Variants in CACNA1C observed in about 807,000 individuals in gnomAD.
CACNA1C encodes the protein voltage-dependent L-type calcium channel subunit alpha-1C.
A neutral mutation model predicts 229.0 loss-of-function variants in CACNA1C; 30 were observed. The observed-to-expected ratio is 0.13, with a 90% CI of 0.10 to 0.18. The LOEUF is 0.18. Ranked by LOEUF, CACNA1C falls within the 10% of genes least tolerant of loss-of-function variation. The pLI is 1.00. For synonymous variants in CACNA1C, 1,114 were observed against 1,132.5 expected (o/e 0.98, Z 0.33); for missense variants, 1,658 against 2,845.0 (o/e 0.58, Z 9.49).
In CACNA1C at chr12:2,137,622, G is replaced by A. The variant is rs562067677; in HGVS notation, c.477+17192G>A. Among the ~76,000 whole-genome samples, 78 of 150,898 alleles carry A rather than the reference G, an allele frequency of 5.2e-4. 3 individuals are homozygous for A. Among genetic ancestry groups the A allele is most frequent in the Middle Eastern group, 3.2e-3 (1 of 314 alleles). ...TGCAAAGTGCCATATAAACATAGAG[G>A]CATTATTGTGATCATTATTACTGTT... On this transcript the variant is annotated intron_variant, in intron 3 of 46. Coordinates refer to ENST00000399655, the MANE Select transcript of CACNA1C (RefSeq NM_000719.7).
In CACNA1C at chr12:2,504,564, C is replaced by T. The variant is rs748999518; in HGVS notation, c.1114-278C>T. The T allele has an allele frequency of 5.2e-6, 7 of 1,357,034 alleles. No homozygotes were observed. In the Admixed American group the frequency reaches 1.2e-4, roughly 23 times the overall value. 84.1% of individuals were successfully genotyped at this position (1,357,034 alleles called of 1,614,324 possible). On this transcript the variant is annotated intron_variant, in intron 7 of 46. Coordinates refer to ENST00000399655, the MANE Select transcript of CACNA1C (RefSeq NM_000719.7). The surrounding 1 kb of genome is among the most constrained non-coding windows in gnomAD (Gnocchi z 6.8). ...GGTAAGCTGACCGTTTCTATGTCCT[C>T]TCCACAACGCAGCCGAGCAAGGTCT...
intron 3 of CACNA1C, among the ~76,000 whole-genome samples, chr12:2,120,656 CTGTGTGTGTGTGTGTGTGTGTGTG>C (rs112680750): frequency 7.2e-6 from 1 of 139,778 alleles, no homozygotes; most frequent in Non-Finnish European, 1.5e-5. Flanking sequence ...GTGGTGAGCT[CTGTGTGTGTGTGTGTGTGTGTGTG>C]TGTGTGTGTG....
At position 2,597,127 on chromosome 12, in the gene CACNA1C, G is replaced by A; in HGVS notation, c.2794-103G>A. ...GCTTAAGTGCCAGGCATCTCATTTT[G>A]AAGTGTGGCCCCTTTTCTGGTGAAC... On this transcript the variant is annotated intron_variant, in intron 20 of 46. Coordinates refer to ENST00000399655, the MANE Select transcript of CACNA1C (RefSeq NM_000719.7). The surrounding 1 kb of genome is among the most constrained non-coding windows in gnomAD (Gnocchi z 4.3). The A allele has an allele frequency of 2.7e-6, 2 of 751,198 alleles. No individual in the cohort carries two copies. Among genetic ancestry groups the A allele is most frequent in the South Asian group, 3.3e-5 (2 of 60,572 alleles). The allele number at this position is 751,198 out of a possible 1,614,324, so 46.5% of individuals were successfully genotyped here.
At position 2,354,029 on chromosome 12, in the gene CACNA1C, C is replaced by A. The variant is rs1255481485; in HGVS notation, c.478-94947C>A. ...GGTTAGAGGAAGGAGAATCTGGAGA[C>A]AAATGCCTGCCCAGCGACCACTGCA... On this transcript the variant is annotated intron_variant, in intron 3 of 46. Coordinates refer to ENST00000399655, the MANE Select transcript of CACNA1C (RefSeq NM_000719.7). This position sits in a 1 kb window ranked among gnomAD's most constrained non-coding sequence, Gnocchi z 4.6. 3.3e-5 allele frequency among the ~76,000 whole-genome samples: 5 copies of A among 152,294 alleles called. No individual in the cohort carries two copies. Among genetic ancestry groups the A allele is most frequent in the Admixed American group, 2.0e-4 (3 of 15,306 alleles).
chr12:2,619,966 G>T (rs1278674230), intron 29 of CACNA1C, among the ~76,000 whole-genome samples: 1 of 152,012 alleles, frequency 6.6e-6, no homozygotes, highest in Admixed American at 6.6e-5. Flanking sequence ...CCTGTCAGCT[G>T]GCATTCATAT....
intron 3 of CACNA1C, among the ~76,000 whole-genome samples, chr12:2,145,551 TC>T (rs139910345): frequency 0.012 from 1,827 of 151,516 alleles, 54 homozygotes; most frequent in African/African-American, 0.041. Context: ...GTTTGCTTGC[TC>T]ATTTATTTTG....
chr12:2,195,286 C>T (rs2097366582), intron 3 of CACNA1C, among the ~76,000 whole-genome samples: 1 of 152,188 alleles, frequency 6.6e-6, no homozygotes, highest in African/African-American at 2.4e-5. Flanking sequence ...ACGCCCCTCC[C>T]TGTGGAAGGA....
At chr12:2,670,351 T>C (rs1366157360) in intron 38 of CACNA1C, among the ~76,000 whole-genome samples, 1 of 152,144 alleles carries the variant, frequency 6.6e-6, no homozygotes, top group African/African-American at 2.4e-5. Flanking sequence ...ACTAATGACA[T>C]GAGTATGAGC....
Position 2,654,599 on chromosome 12 carries a change from G to A in CACNA1C, c.4141-548G>A, listed in dbSNP as rs2095311187. Among the ~76,000 whole-genome samples, 1 of 152,182 alleles carries A rather than the reference G, an allele frequency of 6.6e-6. No individual in the cohort carries two copies. The highest frequency in any genetic ancestry group is 2.4e-5 in the African/African-American group (1 of 41,440). The stretch of plus-strand genomic sequence containing the variant: ...ACTTGCTCATCGCAGAAAGACCCAA[G>A]ATTCAGTTGCCAAAACCTTTTGAGA... On this transcript the variant is annotated intron_variant, in intron 33 of 46. Coordinates refer to ENST00000399655, the MANE Select transcript of CACNA1C (RefSeq NM_000719.7). This position sits in a 1 kb window ranked among gnomAD's most constrained non-coding sequence, Gnocchi z 4.4.
At chr12:2,344,301 A>G (rs2096943982) in intron 3 of CACNA1C, among the ~76,000 whole-genome samples, 1 of 152,152 alleles carries the variant, frequency 6.6e-6, no homozygotes, top group Non-Finnish European at 1.5e-5. Context: ...GATGTAGCAA[A>G]GAAAGGGCAT....
chr12:2,331,456 A>G (rs868647396), intron 3 of CACNA1C, among the ~76,000 whole-genome samples: 9 of 152,248 alleles, frequency 5.9e-5, no homozygotes, highest in African/African-American at 1.9e-4. Context: ...GGTGCCAGAA[A>G]GTCATGCTCT....
Position 2,488,482 on chromosome 12 carries a change from C to T in CACNA1C, c.916+2220C>T, listed in dbSNP as rs1309796469. On this transcript the variant is annotated intron_variant, in intron 6 of 46. Transcript: ENST00000399655. The surrounding 1 kb of genome is among the most constrained non-coding windows in gnomAD (Gnocchi z 4.0). ...CTCTTCTCTTAGGACAAAGATAAGA[C>T]TTGGCCTCCCCAATTGGAATGGCCA... Among the ~76,000 whole-genome samples the T allele has an allele frequency of 1.3e-5, 2 of 152,232 alleles. No homozygotes were observed. Among genetic ancestry groups the T allele is most frequent in the Non-Finnish European group, 2.9e-5 (2 of 68,046 alleles).
chr12:2,517,018 C>A (rs2099798316), intron 9 of CACNA1C, among the ~76,000 whole-genome samples: 1 of 152,148 alleles, frequency 6.6e-6, no homozygotes, highest in Admixed American at 6.5e-5. Context: ...AAACAGGACT[C>A]CTAAAGGCAT....
At chr12:2,315,108 A>G (rs2283296) in intron 3 of CACNA1C, among the ~76,000 whole-genome samples, 112,315 of 152,094 alleles carry the variant, frequency 0.74, 42,198 homozygotes, top group African/African-American at 0.88. Context: ...AGAAAAGGAC[A>G]CGTCCTCCTC....
chr12:2,081,240 A>T (rs1456177528), intron 1 of CACNA1C, among the ~76,000 whole-genome samples: 1 of 152,244 alleles, frequency 6.6e-6, no homozygotes, highest in East Asian at 1.9e-4. Context: ...CTAGAATTCT[A>T]TACAAAGCTA....
intron 3 of CACNA1C, among the ~76,000 whole-genome samples, chr12:2,290,769 G>C (rs2093407733): frequency 6.6e-6 from 1 of 152,180 alleles, no homozygotes; most frequent in African/African-American, 2.4e-5. Context: ...ACTCCTACCA[G>C]CGTGGAATGG....
rs116750337 is a variant in CACNA1C, at chr12:2,108,857, G to A, written c.50-6367G>A. Among the ~76,000 whole-genome samples the A allele has an allele frequency of 0.013, 2,048 of 152,258 alleles. 38 individuals are homozygous for A. The highest frequency in any genetic ancestry group is 0.046 in the African/African-American group (1,910 of 41,530). On this transcript the variant is annotated intron_variant, in intron 1 of 46. Coordinates refer to ENST00000399655, the MANE Select transcript of CACNA1C (RefSeq NM_000719.7). This position sits in a 1 kb window ranked among gnomAD's most constrained non-coding sequence, Gnocchi z 5.3. The stretch of plus-strand genomic sequence containing the variant: ...GGCCTTTAGTGGGTGGAGAAAGTCC[G>A]GTTTCTGTTCCAGGTTGTCTGCGAT...
At chr12:2,250,528 G>C (rs1435847075) in intron 3 of CACNA1C, among the ~76,000 whole-genome samples, 1 of 152,176 alleles carries the variant, frequency 6.6e-6, no homozygotes, top group Non-Finnish European at 1.5e-5. Context: ...CAACTACTCA[G>C]GGGGACAAAC....
chr12:2,296,247 T>G (rs1189421867), intron 3 of CACNA1C, among the ~76,000 whole-genome samples: 1 of 152,236 alleles, frequency 6.6e-6, no homozygotes, highest in Non-Finnish European at 1.5e-5. Context: ...GTCTGTGGGC[T>G]GCAAATGCAG....
Sources: gnomAD v4.1 joint callset for allele counts (sites outside exome capture counted in the v4.1 genomes callset) on GRCh38, gnomAD v4.1.1 for gene constraint, Gnocchi (gnomAD v3.1) non-coding constraint, MANE v1.5 for transcripts, NCBI Gene and HGNC (gene_info 2026-07-23, HGNC 2026-07-21) for gene names.